The following ZDHHC5 variants were observed in gnomAD, a reference collection of about 807,000 sequenced individuals.
ZDHHC5 encodes palmitoyltransferase ZDHHC5.
A neutral mutation model predicts 70.0 loss-of-function variants in ZDHHC5; 22 were observed. The ratio of observed to expected loss-of-function variants is 0.31; its 90% CI spans 0.22 to 0.45. The LOEUF is 0.45. Ranked by LOEUF, ZDHHC5 falls within the 20% of genes least tolerant of loss-of-function variation. ZDHHC5 has a pLI of 1.00. For missense variants in ZDHHC5, 746 were observed against 926.9 expected (o/e 0.80, Z 2.53); for synonymous variants, 313 against 347.8 (o/e 0.90, Z 1.11).
chr11:57,698,421 A>G, intron 10 of ZDHHC5, 138 bp from the exon 11 acceptor site: 1 of 1,221,032 alleles, frequency 8.2e-7, no homozygotes, highest in Non-Finnish European at 1.1e-6. Flanking sequence ...TTCTTGAGGG[A>G]TTAACCCAGA....
At chr11:57,679,124 C>G (rs1262777580) in intron 2 of ZDHHC5, among the ~76,000 whole-genome samples, 1 of 151,996 alleles carries the variant, frequency 6.6e-6, no homozygotes, top group Non-Finnish European at 1.5e-5. Context: ...ATATTGGAAT[C>G]CATTCTCCCA....
chr11:57,697,111 A>T (rs1946363119), intron 10 of ZDHHC5, among the ~76,000 whole-genome samples: 1 of 151,874 alleles, frequency 6.6e-6, no homozygotes, highest in Admixed American at 6.6e-5. Flanking sequence ...CTGGTGGATC[A>T]CAAGGTCAGG....
At chr11:57,678,525 C>A (rs902259546) in intron 2 of ZDHHC5, among the ~76,000 whole-genome samples, 2 of 145,624 alleles carry the variant, frequency 1.4e-5, no homozygotes, top group Admixed American at 1.4e-4. Flanking sequence ...GAGCCGAGAT[C>A]GCGTCACTGC....
chr11:57,678,375 C>T (rs1347688152), intron 2 of ZDHHC5, among the ~76,000 whole-genome samples: 1 of 151,908 alleles, frequency 6.6e-6, no homozygotes, highest in African/African-American at 2.4e-5. Context: ...TCGAGACCAT[C>T]CTGGCTAACA....
At chr11:57,671,736 T>A (rs917430654) in intron 1 of ZDHHC5, among the ~76,000 whole-genome samples, 8 of 152,254 alleles carry the variant, frequency 5.3e-5, no homozygotes, top group African/African-American at 9.6e-5. Flanking sequence ...TATTTGTTAC[T>A]ACCATCTATG....
At chr11:57,680,476 TG>T (rs1255721460) in intron 2 of ZDHHC5, among the ~76,000 whole-genome samples, 7 of 152,208 alleles carry the variant, frequency 4.6e-5, no homozygotes, top group African/African-American at 1.7e-4. Flanking sequence ...CTCTCAGAGA[TG>T]GAAACTAAGG....
At chr11:57,692,819 G>C (rs1393533477) in intron 7 of ZDHHC5, 117 bp downstream of exon 7, 9 of 981,688 alleles carry the variant, frequency 9.2e-6, no homozygotes, top group Non-Finnish European at 1.4e-5. Context: ...CTCTATCTTA[G>C]AATGTTAAGT....
At chr11:57,690,507 A>AGT (rs1946269593) in intron 6 of ZDHHC5, 70 bp downstream of exon 6, 3 of 1,491,364 alleles carry the variant, frequency 2.0e-6, no homozygotes, top group Non-Finnish European at 1.9e-6. Context: ...ATTAGTGTGC[A>AGT]GTGTAGTGCT....
rs757584950 is a variant in ZDHHC5, at chr11:57,696,866, G to C, written c.1115G>C (p.Ser372Thr). The C allele has an allele frequency of 1.9e-5, 30 of 1,613,518 alleles. No individual in the cohort carries two copies. Among genetic ancestry groups the C allele is most frequent in the Non-Finnish European group, 2.5e-5 (30 of 1,179,744 alleles). ...TCAGCTGCCATGCCGCATTCCTCCA[G>C]CGCCAAGGTACTGAGTACTCTAAGA... ...STSAAMPHSS[S>T]AKLSRGDSLK... Residue 372 changes from serine to threonine, a missense_variant, in exon 10 of 12, where the codon AGC becomes ACC. By Grantham distance (58) the Ser-to-Thr change is moderately conservative (BLOSUM62 1). Coordinates refer to ENST00000287169, the MANE Select transcript of ZDHHC5 (RefSeq NM_015457.3).
chr11:57,698,896 C>T lies in ZDHHC5; in HGVS notation c.1460C>T (p.Ala487Val), dbSNP rs1373759490. Residue 487 changes from alanine to valine, a missense_variant, in exon 11 of 12, where the codon GCA becomes GTA. Physicochemically the swap from Ala to Val is moderately conservative, Grantham distance 64. Coordinates refer to ENST00000287169, the MANE Select transcript of ZDHHC5 (RefSeq NM_015457.3). ...SDSPDFESVQ[A>V]GPEPDPPLGY... ...AGCCCTGATTTTGAGTCAGTGCAGG[C>T]AGGGCCTGAGCCAGACCCACCTTTA... The T allele has an allele frequency of 1.2e-6, 2 of 1,614,096 alleles. No individual in the cohort carries two copies. Among genetic ancestry groups the T allele is most frequent in the Non-Finnish European group, 1.7e-6 (2 of 1,180,036 alleles).
At chr11:57,698,142 CACACACAA>C (rs1414194586) in intron 10 of ZDHHC5, among the ~76,000 whole-genome samples, 3 of 151,512 alleles carry the variant, frequency 2.0e-5, no homozygotes, top group East Asian at 1.9e-4. Context: ...CACACACACA[CACACACAA>C]ACAAATGCCA....
chr11:57,684,113 C>T (rs997404070), intron 3 of ZDHHC5, among the ~76,000 whole-genome samples: 1 of 151,848 alleles, frequency 6.6e-6, no homozygotes, highest in Non-Finnish European at 1.5e-5. Context: ...GCTGGGACTA[C>T]AGGCGCGGGC....
chr11:57,668,269 G>A (rs1484660331), intron 1 of ZDHHC5, 82 bp downstream of exon 1: 1 of 332,794 alleles, frequency 3.0e-6, no homozygotes, highest in African/African-American at 2.2e-5. Context: ...CTCTAGGGAA[G>A]GGGGACCGAA....
intron 3 of ZDHHC5, among the ~76,000 whole-genome samples, chr11:57,684,036 A>G (rs1372200089): frequency 6.9e-6 from 1 of 145,776 alleles, no homozygotes; most frequent in Non-Finnish European, 1.5e-5. Flanking sequence ...CAGTGGCGCA[A>G]TCACGGCTCA....
chr11:57,668,229 C>T, intron 1 of ZDHHC5, 42 bp downstream of exon 1: 1 of 354,242 alleles, frequency 2.8e-6, no homozygotes, highest in Non-Finnish European at 5.1e-6. Context: ...CCGGAAGTGC[C>T]GTACCAGCGA....
chr11:57,693,030 CATGG>C (rs1565196884), intron 7 of ZDHHC5, among the ~76,000 whole-genome samples: 84 of 152,072 alleles, frequency 5.5e-4, no homozygotes, highest in African/African-American at 1.9e-3. Context: ...ATTAGATTCT[CATGG>C]CTGGGTGTGG....
intron 2 of ZDHHC5, among the ~76,000 whole-genome samples, chr11:57,675,609 T>C (rs1946062037): frequency 6.6e-6 from 1 of 152,200 alleles, no homozygotes; most frequent in Non-Finnish European, 1.5e-5. Flanking sequence ...CTGGCGCTAG[T>C]TTCCACAGGA....
At chr11:57,684,503 A>G (rs1946186353) in intron 3 of ZDHHC5, among the ~76,000 whole-genome samples, 1 of 151,886 alleles carries the variant, frequency 6.6e-6, no homozygotes, top group Non-Finnish European at 1.5e-5. Context: ...GAGAATTGCT[A>G]CGGGAGGAGA....
At chr11:57,689,631 C>T (rs1393983276) in intron 4 of ZDHHC5, among the ~76,000 whole-genome samples, 1 of 152,036 alleles carries the variant, frequency 6.6e-6, no homozygotes, top group East Asian at 1.9e-4. Flanking sequence ...CCGCCTCGGC[C>T]TCTCAAAGTG....
Sources: gnomAD v4.1 joint callset for allele counts (sites outside exome capture counted in the v4.1 genomes callset) on GRCh38, gnomAD v4.1.1 for gene constraint, MANE v1.5 for transcripts, NCBI Gene and HGNC (gene_info 2026-07-23, HGNC 2026-07-21) for gene names.